GALNT18: variants seen among roughly 807,000 people sequenced by gnomAD.
The protein encoded by GALNT18 is GalNAc-transferase 18.
In GALNT18, 44 loss-of-function variants were observed where a neutral mutation model predicts 69.5. That is an observed-to-expected ratio of 0.63 (90% confidence interval 0.50 to 0.81). The LOEUF is 0.81. Among genes scored for constraint, GALNT18 ranks in the 40% least tolerant of loss-of-function variants. The pLI is 0.00. For synonymous variants in GALNT18, 364 were observed against 318.2 expected, an observed-to-expected ratio of 1.14 and a Z score of -1.53; for missense variants, 715 against 810.0, an observed-to-expected ratio of 0.88 and a Z score of 1.42.
chr11:11,421,037 A>G lies in GALNT18; in HGVS notation c.595+11584T>C, dbSNP rs1408435804. 6.6e-6 allele frequency among the ~76,000 whole-genome samples: 1 copy of G among 152,150 alleles called. No individual in the cohort carries two copies. The highest frequency in any genetic ancestry group is 6.5e-5 in the Admixed American group (1 of 15,276). On this transcript the variant is annotated intron_variant, in intron 3 of 10. Coordinates refer to ENST00000227756, the MANE Select transcript of GALNT18 (RefSeq NM_198516.3). The surrounding 1 kb of genome is among the most constrained non-coding windows in gnomAD (Gnocchi z 5.6). ...TGTAGATTGCTACAGGGAGCTCATG[A>G]GCAAAAAGAAGGAAGGTCCTTTGCC... is the stretch of plus-strand genomic sequence containing the variant.
chr11:11,422,623 T>G (rs916067733), intron 3 of GALNT18, among the ~76,000 whole-genome samples: 3 of 140,496 alleles, frequency 2.1e-5, no homozygotes, highest in South Asian at 2.1e-4. Flanking sequence ...TTTTTGTTGT[T>G]TTTTTTTTTT....
intron 1 of GALNT18, among the ~76,000 whole-genome samples, chr11:11,610,295 T>C (rs1164299340): frequency 6.6e-6 from 1 of 152,216 alleles, no homozygotes; most frequent in African/African-American, 2.4e-5. Flanking sequence ...ACAGTGGTAA[T>C]GGGCTTTTAT....
chr11:11,332,942 A>G lies in GALNT18; in HGVS notation c.1279-111T>C, dbSNP rs1397717285. 25 of 1,210,476 alleles carry G rather than the reference A, an allele frequency of 2.1e-5. No homozygotes were observed. Among genetic ancestry groups the G allele is most frequent in the Non-Finnish European group, 2.8e-5 (24 of 843,138 alleles). The allele number at this position is 1,210,476 out of a possible 1,614,324, so 75.0% of individuals were successfully genotyped here. Reference sequence around the variant, plus strand: ...CCAACAAGATTCCTAGAGACTGGGGAAGGGACCATGTGGCACGTTAACTCT... The same window carrying G: ...CCAACAAGATTCCTAGAGACTGGGGGAGGGACCATGTGGCACGTTAACTCT... On this transcript the variant is annotated intron_variant, in intron 7 of 10. Transcript: ENST00000227756. This position sits in a 1 kb window ranked among gnomAD's most constrained non-coding sequence, Gnocchi z 4.3.
intron 9 of GALNT18, among the ~76,000 whole-genome samples, chr11:11,312,156 C>A (rs1849683513): frequency 6.6e-6 from 1 of 151,614 alleles, no homozygotes; most frequent in Admixed American, 6.6e-5. Context: ...CGGGGTCTCA[C>A]TGTGTTAGCC....
intron 2 of GALNT18, among the ~76,000 whole-genome samples, chr11:11,442,770 G>A (rs947305613): frequency 6.6e-6 from 1 of 152,104 alleles, no homozygotes; most frequent in Non-Finnish European, 1.5e-5. Flanking sequence ...CTTTGCCAAC[G>A]CCTCCTGTCC....
chr11:11,352,023 G>A, intron 6 of GALNT18: 11 of 1,613,640 alleles, frequency 6.8e-6, no homozygotes, highest in Non-Finnish European at 9.3e-6. Context: ...GCCTGCCAGA[G>A]GTCCAAGGGG....
chr11:11,484,621 CA>C (rs1278122203), intron 1 of GALNT18, among the ~76,000 whole-genome samples: 1 of 147,160 alleles, frequency 6.8e-6, no homozygotes, highest in Non-Finnish European at 1.5e-5. Flanking sequence ...AAAAAATACC[CA>C]AGTGAAATGT....
intron 5 of GALNT18, among the ~76,000 whole-genome samples, chr11:11,374,963 A>T (rs1564916649): frequency 6.6e-6 from 1 of 152,230 alleles, no homozygotes; most frequent in Admixed American, 6.5e-5. Flanking sequence ...TGAAAATGTC[A>T]TATTAATTGA....
At position 11,377,688 on chromosome 11, in the gene GALNT18, A is replaced by G. The variant is rs1467474589; in HGVS notation, c.780-309T>C. On this transcript the variant is annotated intron_variant, in intron 4 of 10. Coordinates refer to ENST00000227756, the MANE Select transcript of GALNT18 (RefSeq NM_198516.3). This position sits in a 1 kb window ranked among gnomAD's most constrained non-coding sequence, Gnocchi z 4.6. The stretch of plus-strand genomic sequence containing the variant: ...TCCATTAGAAAAAAAAAAAATCAAG[A>G]CTCAAAAAAGAAGAAAAAGAAGAAA... Among the ~76,000 whole-genome samples the G allele has an allele frequency of 6.6e-6, 1 of 151,368 alleles. No homozygotes were observed. The highest frequency in any genetic ancestry group is 1.5e-5 in the Non-Finnish European group (1 of 67,846).
At chr11:11,451,273 T>A (rs1590015615) in intron 1 of GALNT18, among the ~76,000 whole-genome samples, 1 of 151,964 alleles carries the variant, frequency 6.6e-6, no homozygotes. Context: ...GAATGGGGGG[T>A]AGTAAAAATC....
intron 2 of GALNT18, among the ~76,000 whole-genome samples, chr11:11,442,204 C>G (rs1053015123): frequency 1.9e-4 from 29 of 152,296 alleles, no homozygotes; most frequent in African/African-American, 6.5e-4. Flanking sequence ...CCATCAGTGG[C>G]CGATGAAGTC....
intron 1 of GALNT18, among the ~76,000 whole-genome samples, chr11:11,487,695 CA>C (rs775216345): frequency 7.2e-4 from 110 of 152,218 alleles, no homozygotes; most frequent in Non-Finnish European, 1.3e-3. Context: ...AAGCATTGCT[CA>C]GAAACTCCAT....
At chr11:11,445,365 A>AC (rs1354887543) in intron 2 of GALNT18, among the ~76,000 whole-genome samples, 15 of 152,264 alleles carry the variant, frequency 9.9e-5, no homozygotes, top group Non-Finnish European at 1.8e-4. Context: ...AAATTAAGTG[A>AC]CAAACATATG....
intron 3 of GALNT18, among the ~76,000 whole-genome samples, chr11:11,423,583 C>T (rs1454987091): frequency 6.6e-6 from 1 of 152,354 alleles, no homozygotes; most frequent in East Asian, 1.9e-4. Flanking sequence ...ACACACCCTT[C>T]TCTGAAGTTC....
intron 9 of GALNT18, 62 bp downstream of exon 9, chr11:11,327,024 C>T (rs973989324): frequency 3.3e-6 from 4 of 1,222,194 alleles, no homozygotes; most frequent in Non-Finnish European, 4.9e-6. Context: ...GCCTAGCTCT[C>T]CTTCCCCATG....
At chr11:11,520,838 C>T (rs1411194626) in intron 1 of GALNT18, among the ~76,000 whole-genome samples, 1 of 152,180 alleles carries the variant, frequency 6.6e-6, no homozygotes, top group Non-Finnish European at 1.5e-5. Flanking sequence ...AAGGCAGTCC[C>T]CTCAGCAGGA....
chr11:11,360,431 C>G (rs1850620565), intron 6 of GALNT18, among the ~76,000 whole-genome samples: 1 of 152,220 alleles, frequency 6.6e-6, no homozygotes, highest in South Asian at 2.1e-4. Flanking sequence ...CTCAGAAACT[C>G]TTTTTTGAGT....
chr11:11,515,059 G>A (rs1186580690), intron 1 of GALNT18, among the ~76,000 whole-genome samples: 5 of 152,168 alleles, frequency 3.3e-5, no homozygotes, highest in African/African-American at 4.8e-5. Context: ...TCCAGAGCCC[G>A]CATTCAAGTT....
chr11:11,410,350 C>G (rs1013146834), intron 3 of GALNT18, among the ~76,000 whole-genome samples: 1 of 152,098 alleles, frequency 6.6e-6, no homozygotes, highest in East Asian at 1.9e-4. Flanking sequence ...GCCACCTGCT[C>G]CTTGCCAGCA....
Sources: allele counts gnomAD v4.1 joint callset (sites outside exome capture counted in the v4.1 genomes callset), GRCh38; gene constraint gnomAD v4.1.1; non-coding constraint Gnocchi (gnomAD v3.1); transcripts MANE v1.5; gene names NCBI Gene and HGNC (gene_info 2026-07-23, HGNC 2026-07-21).